Variants in ABAT observed in about 807,000 individuals in gnomAD.
ABAT encodes the protein 4-aminobutyrate aminotransferase, also known as 4-aminobutyrate aminotransferase, mitochondrial.
A neutral mutation model predicts 64.6 loss-of-function variants in ABAT; 45 were observed. The ratio of observed to expected loss-of-function variants is 0.70; its 90% CI spans 0.55 to 0.89. The LOEUF is 0.89. Among genes scored for constraint, ABAT ranks in the 40% least tolerant of loss-of-function variants. The probability of loss-of-function intolerance (pLI) is 0.00; values close to 1 mark genes in which losing one functional copy is unlikely to be tolerated. For missense variants in ABAT, 633 were observed against 658.4 expected (o/e 0.96, Z 0.42); for synonymous variants, 297 against 250.5 (o/e 1.19, Z -1.75).
At chr16:8,744,568 A>C (rs576201385) in intron 2 of ABAT, among the ~76,000 whole-genome samples, 1 of 151,942 alleles carries the variant, frequency 6.6e-6, no homozygotes, top group African/African-American at 2.4e-5. Context: ...GGATTTCGCC[A>C]TGTTGGCCAG....
intron 1 of ABAT, among the ~76,000 whole-genome samples, chr16:8,721,887 G>A (rs2058382762): frequency 6.6e-6 from 1 of 152,216 alleles, no homozygotes; most frequent in Non-Finnish European, 1.5e-5. Flanking sequence ...AGGTGGGTGG[G>A]ACTGAAGAGC....
chr16:8,703,464 A>T lies in ABAT; in HGVS notation c.-42+28753A>T, dbSNP rs112337797. On this transcript the variant is annotated intron_variant, in intron 1 of 15. Coordinates refer to ENST00000268251, the MANE Select transcript of ABAT (RefSeq NM_020686.6). ...GACAGAGTGAGACTCTGTCTCAAAA[A>T]AAAAAACCAAAAAATTATTGCTGTT... Among the ~76,000 whole-genome samples the T allele has an allele frequency of 1.8e-3, 267 of 152,202 alleles. 3 individuals carry two copies. Among genetic ancestry groups the T allele is most frequent in the African/African-American group, 6.3e-3 (263 of 41,520 alleles).
In ABAT at chr16:8,776,742, AT is replaced by A. The variant is rs1260030745; in HGVS notation, c.1269+258del. ...TCTTTGTTGTTGTTTTTTTTAATTTATTTTTTATTTTTTTAATATTGAGACA... is the reference window on the plus strand; with the variant it reads ...TCTTTGTTGTTGTTTTTTTTAATTTATTTTTATTTTTTTAATATTGAGACA... On this transcript the variant is annotated intron_variant, in intron 14 of 15. Transcript: ENST00000268251. This position sits in a 1 kb window ranked among gnomAD's most constrained non-coding sequence, Gnocchi z 4.4. 7.3e-5 allele frequency among the ~76,000 whole-genome samples: 11 copies of A among 151,154 alleles called. No homozygotes were observed. Among genetic ancestry groups the A allele is most frequent in the Non-Finnish European group, 1.3e-4 (9 of 67,816 alleles).
chr16:8,726,315 C>T (rs1417700003), intron 1 of ABAT, among the ~76,000 whole-genome samples: 1 of 131,962 alleles, frequency 7.6e-6, no homozygotes, highest in Non-Finnish European at 1.5e-5. Flanking sequence ...GGCTGGAGTG[C>T]AGTGGCGCCA....
In ABAT at chr16:8,735,733, A is replaced by G. The variant is rs1445711160; in HGVS notation, c.-7A>G. On this transcript the variant is annotated 5_prime_UTR_variant, in exon 2 of 16. Coordinates refer to ENST00000268251, the MANE Select transcript of ABAT (RefSeq NM_020686.6). ...ACGCAAAGGGTGTCCCTGTCCCTCA[A>G]GGGGTCATGGCCTCCATGTTGCTCG... 3.7e-6 allele frequency: 6 copies of G among 1,600,054 alleles called. No homozygotes were observed. The East Asian group carries it at 1.3e-4, about 36-fold the overall frequency.
Position 8,764,842 on chromosome 16 carries a change from G to T in ABAT, c.540+12G>T. 1 of 1,586,744 alleles carries T rather than the reference G, an allele frequency of 6.3e-7. No individual in the cohort carries two copies. Among genetic ancestry groups the T allele is most frequent in the Non-Finnish European group, 8.6e-7 (1 of 1,161,448 alleles). On this transcript the variant is annotated intron_variant, in intron 8 of 15. Transcript: ENST00000268251. The surrounding 1 kb of genome is among the most constrained non-coding windows in gnomAD (Gnocchi z 4.2). ...TCATGTGGTACCGGGTGAGGTTTGGGGCACACACACACACACACACACAGG... is the reference window on the plus strand; with the variant it reads ...TCATGTGGTACCGGGTGAGGTTTGGTGCACACACACACACACACACACAGG...
At chr16:8,704,324 G>A (rs1485895453) in intron 1 of ABAT, among the ~76,000 whole-genome samples, 5 of 152,200 alleles carry the variant, frequency 3.3e-5, no homozygotes, top group Admixed American at 2.0e-4. Context: ...GCCACGTCAA[G>A]TTACTCAATA....
intron 1 of ABAT, among the ~76,000 whole-genome samples, chr16:8,707,735 C>G (rs1054926149): frequency 6.6e-6 from 1 of 152,276 alleles, no homozygotes; most frequent in Middle Eastern, 3.4e-3. Flanking sequence ...AATTAGGGAA[C>G]TTTTTTTAAA....
At chr16:8,704,832 G>A (rs183492434) in intron 1 of ABAT, among the ~76,000 whole-genome samples, 3 of 152,128 alleles carry the variant, frequency 2.0e-5, no homozygotes, top group Admixed American at 2.0e-4. Flanking sequence ...AACTGAGCAC[G>A]CTTCTTTTTT....
chr16:8,691,495 A>G lies in ABAT; in HGVS notation c.-42+16784A>G, dbSNP rs576913937. Among the ~76,000 whole-genome samples the G allele has an allele frequency of 3.9e-5, 6 of 152,050 alleles. No individual in the cohort carries two copies. The East Asian group carries it at 1.2e-3, about 29-fold the overall frequency. ...CACTCTGTTGCCTAGGTTGGAGTGC[A>G]GTGGCACAATTTTGGCTCAATGCAA... On this transcript the variant is annotated intron_variant, in intron 1 of 15. Coordinates refer to ENST00000268251, the MANE Select transcript of ABAT (RefSeq NM_020686.6).
chr16:8,715,418 G>C (rs1315291302), intron 1 of ABAT: 1 of 152,024 alleles, frequency 6.6e-6, no homozygotes, highest in Non-Finnish European at 1.5e-5. Flanking sequence ...AAGAGTTAGA[G>C]ACTAGCCTCA....
At position 8,745,984 on chromosome 16, in the gene ABAT, G is replaced by T; in HGVS notation, c.71-17G>T. 1 of 1,611,774 alleles carries T rather than the reference G, an allele frequency of 6.2e-7. No individual in the cohort carries two copies. The highest frequency in any genetic ancestry group is 8.5e-7 in the Non-Finnish European group (1 of 1,178,078). Reference sequence around the variant, plus strand: ...CTGCTGTCACCAGGGATTTCTCATTGTCTTTGTTTACTGCAGGATCCAGAC... The same window carrying T: ...CTGCTGTCACCAGGGATTTCTCATTTTCTTTGTTTACTGCAGGATCCAGAC... On this transcript the variant is annotated splice_polypyrimidine_tract_variant and intron_variant, in intron 2 of 15. Coordinates refer to ENST00000268251, the MANE Select transcript of ABAT (RefSeq NM_020686.6).
Position 8,776,508 on chromosome 16 carries a change from GC to G in ABAT, c.1269+22del, listed in dbSNP as rs1389200598. On this transcript the variant is annotated intron_variant, in intron 14 of 15. Coordinates refer to ENST00000268251, the MANE Select transcript of ABAT (RefSeq NM_020686.6). This position sits in a 1 kb window ranked among gnomAD's most constrained non-coding sequence, Gnocchi z 4.4. ...ACCTCCAGGTAACACCCCCTCCCCT[GC>G]CCCGCCCCCACCACCCATGGCTCCC... 2 of 1,580,278 alleles carry G rather than the reference GC, an allele frequency of 1.3e-6. No homozygotes were observed. Among genetic ancestry groups the G allele is most frequent in the East Asian group, 4.6e-5 (2 of 43,302 alleles).
intron 1 of ABAT, chr16:8,715,375 T>A (rs1178999104): frequency 6.6e-6 from 1 of 152,092 alleles, no homozygotes; most frequent in Non-Finnish European, 1.5e-5. Context: ...CCCAGTGCTT[T>A]GGGAGTCCGA....
rs558370277 is a variant in ABAT at position 8,776,269 on chromosome 16, G to A, written c.1123-75G>A. On this transcript the variant is annotated intron_variant, in intron 13 of 15. Coordinates refer to ENST00000268251, the MANE Select transcript of ABAT (RefSeq NM_020686.6). The surrounding 1 kb of genome is among the most constrained non-coding windows in gnomAD (Gnocchi z 4.4). ...TTCTCTCCTCTTCAAGAGAGGAGGC[G>A]GGGCGCCTGGGGTAAGTGACTCCTG... 3.5e-4 allele frequency: 561 copies of A among 1,605,664 alleles called. 2 individuals are homozygous for A. In the Middle Eastern group the frequency reaches 4.2e-3, roughly 12 times the overall value.
In ABAT at chr16:8,757,749, G is replaced by C. The variant is rs747682160; in HGVS notation, c.317-8G>C. On this transcript the variant is annotated splice_polypyrimidine_tract_variant and splice_region_variant and intron_variant, in intron 5 of 15. Coordinates refer to ENST00000268251, the MANE Select transcript of ABAT (RefSeq NM_020686.6). ...ATGAGGTCTCTAACAATACTCTCCT[G>C]CCCTCAGGTTACAGCCACCCCGCCC... is the stretch of plus-strand genomic sequence containing the variant. 52 of 1,613,870 alleles carry C rather than the reference G, an allele frequency of 3.2e-5. No homozygotes were observed. The highest frequency in any genetic ancestry group is 5.0e-5 in the Admixed American group (3 of 60,000).
intron 8 of ABAT, chr16:8,765,677 A>C (rs1286010617): frequency 1.3e-5 from 2 of 152,494 alleles, no homozygotes; most frequent in African/African-American, 4.9e-5. Flanking sequence ...GACCCTGTAA[A>C]AAAACAAAAA....
Position 8,768,835 on chromosome 16 carries a change from G to T in ABAT, c.678G>T (p.Ala226=). ...TTTTGCTGAACTCAGGTTGCTTAGC[G>T]ACCACGCACTCTAAAGCCATTCACA... ...AFHGRTMGCL[A]TTHSKAIHKI... Residue 226 remains alanine (A), a synonymous_variant, in exon 11 of 16, where the codon GCG becomes GCT. Transcript: ENST00000268251. The T allele has an allele frequency of 3.1e-6, 5 of 1,614,072 alleles. No homozygotes were observed. The highest frequency in any genetic ancestry group is 1.1e-5 in the South Asian group (1 of 91,046).
intron 1 of ABAT, among the ~76,000 whole-genome samples, chr16:8,698,652 G>A (rs995906326): frequency 1.3e-5 from 2 of 152,030 alleles, no homozygotes; most frequent in African/African-American, 4.8e-5. Flanking sequence ...TTTATGAATA[G>A]TGCTGCAATT....
Sources: allele counts gnomAD v4.1 joint callset (sites outside exome capture counted in the v4.1 genomes callset), GRCh38; gene constraint gnomAD v4.1.1; non-coding constraint Gnocchi (gnomAD v3.1); transcripts MANE v1.5; gene names NCBI Gene and HGNC (gene_info 2026-07-23, HGNC 2026-07-21).